Variants in LOC128092253 observed in about 807,000 individuals in gnomAD.
At chr6:133,967,517 G>A in the LOC128092253 span, among the ~76,000 whole-genome samples, 3 of 152,256 alleles carry the variant, frequency 2.0e-5, no homozygotes, top group Admixed American at 6.5e-5. Flanking sequence ...TTGTCATCAC[G>A]TGAACATCAT....
the LOC128092253 span, among the ~76,000 whole-genome samples, chr6:133,972,454 C>G: frequency 6.6e-6 from 1 of 152,170 alleles, no homozygotes; most frequent in African/African-American, 2.4e-5. Flanking sequence ...TTGGTAGTGC[C>G]TCTTTGGGCT....
the LOC128092253 span, among the ~76,000 whole-genome samples, chr6:133,964,543 C>T: frequency 8.6e-5 from 13 of 151,336 alleles, 1 homozygote; most frequent in East Asian, 1.8e-3. Flanking sequence ...CTCCGTCTCC[C>T]GGGTTCACGC....
At chr6:133,978,363 T>G in the LOC128092253 span, among the ~76,000 whole-genome samples, 2 of 152,212 alleles carry the variant, frequency 1.3e-5, no homozygotes, top group Admixed American at 6.5e-5. Flanking sequence ...GTAGGCATGG[T>G]CTATTCCATG....
At chr6:133,970,800 T>TA in the LOC128092253 span, among the ~76,000 whole-genome samples, 1 of 152,120 alleles carries the variant, frequency 6.6e-6, no homozygotes. Flanking sequence ...TGAGTCTATC[T>TA]GTGTTGCCCA....
chr6:133,954,733 C>G, the LOC128092253 span, among the ~76,000 whole-genome samples: 1 of 152,150 alleles, frequency 6.6e-6, no homozygotes. Flanking sequence ...TTCCCCACCC[C>G]TTTTGTTAAA....
the LOC128092253 span, among the ~76,000 whole-genome samples, chr6:133,956,933 CA>C: frequency 5.9e-5 from 9 of 152,076 alleles, no homozygotes; most frequent in Non-Finnish European, 1.0e-4. Context: ...GCTACATAGA[CA>C]AATTTGATTT....
the LOC128092253 span, among the ~76,000 whole-genome samples, chr6:133,960,064 T>C: frequency 0.025 from 3,815 of 152,302 alleles, 77 homozygotes; most frequent in African/African-American, 0.052. Flanking sequence ...CTGCAGTGTG[T>C]TCCTTGGGCA....
chr6:133,963,934 G>C, the LOC128092253 span, among the ~76,000 whole-genome samples: 4 of 151,872 alleles, frequency 2.6e-5, no homozygotes, highest in African/African-American at 9.7e-5. Context: ...GCAGCTACTC[G>C]GGAGGCTGAG....
chr6:133,969,548 G>A, the LOC128092253 span, among the ~76,000 whole-genome samples: 4 of 151,970 alleles, frequency 2.6e-5, no homozygotes, highest in Admixed American at 6.6e-5. Flanking sequence ...TTTCACTTAA[G>A]CATTTGTTAA....
chr6:133,964,819 C>T, the LOC128092253 span, among the ~76,000 whole-genome samples: 1 of 152,158 alleles, frequency 6.6e-6, no homozygotes, highest in South Asian at 2.1e-4. Context: ...GGCATTTGTG[C>T]ATGACATAGA....
At chr6:133,966,061 TCAG>T in the LOC128092253 span, among the ~76,000 whole-genome samples, 1 of 152,266 alleles carries the variant, frequency 6.6e-6, no homozygotes, top group East Asian at 1.9e-4. Flanking sequence ...CTCTTCAACT[TCAG>T]AGACAGAGAG....
the LOC128092253 span, among the ~76,000 whole-genome samples, chr6:133,979,769 C>T: frequency 1.3e-5 from 2 of 152,114 alleles, no homozygotes; most frequent in Admixed American, 6.5e-5. Flanking sequence ...ACCTCAGCCT[C>T]CCTAGTAGCT....
the LOC128092253 span, among the ~76,000 whole-genome samples, chr6:133,976,343 C>A: frequency 6.6e-6 from 1 of 152,086 alleles, no homozygotes; most frequent in Admixed American, 6.5e-5. Context: ...GTTTCAGATA[C>A]GATGTTGAGT....
At chr6:133,968,986 GAT>G in the LOC128092253 span, 5 of 152,130 alleles carry the variant, frequency 3.3e-5, no homozygotes, top group Non-Finnish European at 7.3e-5. Context: ...TTACTTTATA[GAT>G]ATATTTTAGT....
chr6:133,962,119 G>C, the LOC128092253 span, among the ~76,000 whole-genome samples: 1 of 152,206 alleles, frequency 6.6e-6, no homozygotes, highest in Non-Finnish European at 1.5e-5. Context: ...GAGGAATGGT[G>C]TAAAGCTGAG....
the LOC128092253 span, among the ~76,000 whole-genome samples, chr6:133,972,776 C>T: frequency 1.3e-5 from 2 of 152,174 alleles, no homozygotes; most frequent in Non-Finnish European, 2.9e-5. Context: ...TAATATTCAA[C>T]TATTGGTGAA....
the LOC128092253 span, among the ~76,000 whole-genome samples, chr6:133,976,355 A>G: frequency 1.3e-5 from 2 of 152,340 alleles, no homozygotes. Flanking sequence ...ATGTTGAGTC[A>G]TGGGAATATA....
the LOC128092253 span, chr6:133,980,037 TAAC>T: frequency 2.3e-6 from 3 of 1,288,990 alleles, no homozygotes; most frequent in South Asian, 4.4e-5. Context: ...AAAAGTGAAT[TAAC>T]AACATTTAAG....
At chr6:133,962,599 A>G in the LOC128092253 span, among the ~76,000 whole-genome samples, 1 of 152,224 alleles carries the variant, frequency 6.6e-6, no homozygotes, top group African/African-American at 2.4e-5. Flanking sequence ...TTTAATAGAT[A>G]TGCCTAATAG....
Sources: allele counts gnomAD v4.1 joint callset (sites outside exome capture counted in the v4.1 genomes callset), GRCh38; gene constraint gnomAD v4.1.1; transcripts MANE v1.5.